Variants in GALNTL6 observed in about 807,000 individuals in gnomAD.
GALNTL6 encodes the protein polypeptide N-acetylgalactosaminyltransferase like 6, also known as polypeptide N-acetylgalactosaminyltransferase-like 6.
GALNTL6 carries 46 observed loss-of-function variants against 73.7 expected under a neutral mutation model. The observed-to-expected ratio is 0.62, with a 90% CI of 0.49 to 0.80. The LOEUF (loss-of-function observed/expected upper bound fraction) is 0.80, where lower values mean the gene tolerates loss of function less well. Ranked by LOEUF, GALNTL6 falls within the 30% of genes least tolerant of loss-of-function variation. The probability of loss-of-function intolerance (pLI) is 0.00; values close to 1 mark genes in which losing one functional copy is unlikely to be tolerated. For synonymous variants in GALNTL6, 259 were observed against 263.7 expected, an observed-to-expected ratio of 0.98 and a Z score of 0.17; for missense variants, 604 against 755.0, an observed-to-expected ratio of 0.80 and a Z score of 2.34.
chr4:172,015,922 GATTTTT>G (rs1741177789), intron 2 of GALNTL6, among the ~76,000 whole-genome samples: 1 of 102,438 alleles, frequency 9.8e-6, no homozygotes, highest in African/African-American at 3.6e-5. Flanking sequence ...AATCTAATAG[GATTTTT>G]TTTTTTTTTT....
At chr4:172,689,901 A>AT (rs201641821) in intron 5 of GALNTL6, among the ~76,000 whole-genome samples, 8 of 151,678 alleles carry the variant, frequency 5.3e-5, no homozygotes, top group Non-Finnish European at 7.4e-5. Flanking sequence ...AAAGCTCGTG[A>AT]TTTTTAAAAA....
chr4:172,753,024 G>A (rs1737519825), intron 5 of GALNTL6, among the ~76,000 whole-genome samples: 1 of 152,076 alleles, frequency 6.6e-6, no homozygotes, highest in Non-Finnish European at 1.5e-5. Flanking sequence ...GATTCCACAT[G>A]TGAATTGATA....
intron 2 of GALNTL6, among the ~76,000 whole-genome samples, chr4:171,971,002 C>T (rs1173473855): frequency 6.6e-6 from 1 of 152,104 alleles, no homozygotes; most frequent in Non-Finnish European, 1.5e-5. Flanking sequence ...AAATTAGTAG[C>T]AGGGTTGAAC....
At chr4:172,866,081 G>T (rs1744647814) in intron 7 of GALNTL6, among the ~76,000 whole-genome samples, 1 of 152,010 alleles carries the variant, frequency 6.6e-6, no homozygotes, top group African/African-American at 2.4e-5. Flanking sequence ...CTTGGATCAG[G>T]TTCTCACCCT....
At chr4:172,483,214 T>C (rs1398050710) in intron 5 of GALNTL6, among the ~76,000 whole-genome samples, 2 of 152,142 alleles carry the variant, frequency 1.3e-5, no homozygotes, top group Non-Finnish European at 1.5e-5. Flanking sequence ...TAAACCAATA[T>C]AGAGGTTTCA....
At chr4:172,443,121 CATATATATATATATATATATATAT>C (rs4048464) in intron 5 of GALNTL6, among the ~76,000 whole-genome samples, 4,775 of 52,140 alleles carry the variant, frequency 0.092, 401 homozygotes, top group African/African-American at 0.24. Flanking sequence ...GATCCATATA[CATATATATATATATATATATATAT>C]ATATATATAT....
At chr4:172,889,887 C>A (rs1229761819) in intron 8 of GALNTL6, among the ~76,000 whole-genome samples, 1 of 151,902 alleles carries the variant, frequency 6.6e-6, no homozygotes, top group Non-Finnish European at 1.5e-5. Flanking sequence ...TCTGGTCCGG[C>A]CTTTTTTTGT....
At chr4:171,906,480 T>G (rs1187594703) in intron 2 of GALNTL6, among the ~76,000 whole-genome samples, 2 of 151,812 alleles carry the variant, frequency 1.3e-5, no homozygotes, top group Non-Finnish European at 1.5e-5. Flanking sequence ...AATAACAGGC[T>G]CTGAAATTGT....
intron 7 of GALNTL6, among the ~76,000 whole-genome samples, chr4:172,854,915 G>A (rs1185718071): frequency 6.6e-6 from 1 of 151,986 alleles, no homozygotes; most frequent in East Asian, 1.9e-4. Context: ...AGTAGTAGGT[G>A]GTAAAATAAC....
chr4:172,375,398 C>T (rs931479477), intron 5 of GALNTL6, among the ~76,000 whole-genome samples: 2 of 152,130 alleles, frequency 1.3e-5, no homozygotes, highest in Non-Finnish European at 2.9e-5. Context: ...GTTTGTGGGT[C>T]AAATTGGTCC....
In GALNTL6 at chr4:172,632,248, A is replaced by G. The variant is rs140526493; in HGVS notation, c.554-177113A>G. On this transcript the variant is annotated intron_variant, in intron 5 of 12. Coordinates refer to ENST00000506823, the MANE Select transcript of GALNTL6 (RefSeq NM_001034845.3). ...AAAGACAGCCAAAATTGTGGAAGCC[A>G]CTTTGGAACTGGGTAACAGGCAGAG... Among the ~76,000 whole-genome samples, 21 of 152,376 alleles carry G rather than the reference A, an allele frequency of 1.4e-4. No homozygotes were observed. The East Asian group carries it at 3.9e-3, about 28-fold the overall frequency.
chr4:171,926,519 G>T (rs938213852), intron 2 of GALNTL6, among the ~76,000 whole-genome samples: 1 of 151,990 alleles, frequency 6.6e-6, no homozygotes, highest in African/African-American at 2.4e-5. Flanking sequence ...AGATTTTGGG[G>T]TATGTACACC....
chr4:172,724,043 A>C (rs1735653002), intron 5 of GALNTL6, among the ~76,000 whole-genome samples: 1 of 152,182 alleles, frequency 6.6e-6, no homozygotes, highest in Non-Finnish European at 1.5e-5. Context: ...GAAACACTGG[A>C]AAGATAGGTT....
intron 2 of GALNTL6, among the ~76,000 whole-genome samples, chr4:171,988,856 G>C (rs914364827): frequency 2.0e-5 from 3 of 152,080 alleles, no homozygotes; most frequent in Non-Finnish European, 4.4e-5. Context: ...AGGGAGTAGA[G>C]GTGTCTTATA....
At chr4:172,134,746 T>C (rs1733592539) in intron 2 of GALNTL6, among the ~76,000 whole-genome samples, 2 of 152,180 alleles carry the variant, frequency 1.3e-5, no homozygotes, top group Non-Finnish European at 1.5e-5. Context: ...ATTTGAGTCA[T>C]GTAACACAGT....
chr4:172,108,361 A>G (rs80232985), intron 2 of GALNTL6, among the ~76,000 whole-genome samples: 4,224 of 152,292 alleles, frequency 0.028, 174 homozygotes, highest in African/African-American at 0.089. Context: ...GTTGGCTCAC[A>G]TGATTATGGA....
At chr4:172,232,092 G>A (rs906074442) in intron 3 of GALNTL6, among the ~76,000 whole-genome samples, 7 of 152,008 alleles carry the variant, frequency 4.6e-5, no homozygotes. Context: ...AAATAAAAGT[G>A]TATTAAGACA....
At position 172,200,738 on chromosome 4, in the gene GALNTL6, GT is replaced by G. The variant is rs569044417; in HGVS notation, c.139-28917del. ...TTGTTTAGCCAGTGAACCATAGGCAGTAAGTGATTGTCCTTAACTTTTGTTT... is the reference window on the plus strand; with the variant it reads ...TTGTTTAGCCAGTGAACCATAGGCAGAAGTGATTGTCCTTAACTTTTGTTT... On this transcript the variant is annotated intron_variant, in intron 2 of 12. Coordinates refer to ENST00000506823, the MANE Select transcript of GALNTL6 (RefSeq NM_001034845.3). Among the ~76,000 whole-genome samples, 179 of 152,320 alleles carry G rather than the reference GT, an allele frequency of 1.2e-3. 1 individual carries two copies. The highest frequency in any genetic ancestry group is 1.3e-3 in the Non-Finnish European group (88 of 68,022).
intron 5 of GALNTL6, among the ~76,000 whole-genome samples, chr4:172,707,933 T>C (rs1010733266): frequency 3.9e-5 from 6 of 152,002 alleles, no homozygotes; most frequent in African/African-American, 1.5e-4. Flanking sequence ...AGGGGTGGGG[T>C]TGGGGAGAGC....
Sources: allele counts gnomAD v4.1 joint callset (sites outside exome capture counted in the v4.1 genomes callset), GRCh38; gene constraint gnomAD v4.1.1; transcripts MANE v1.5; gene names NCBI Gene and HGNC (gene_info 2026-07-23, HGNC 2026-07-21).